HDX: variants seen among roughly 807,000 people sequenced by gnomAD.
HDX encodes the protein highly divergent homeobox.
A neutral mutation model predicts 45.2 loss-of-function variants in HDX; 19 were observed. The observed-to-expected ratio is 0.42, with a 90% confidence interval of 0.29 to 0.62. The LOEUF (loss-of-function observed/expected upper bound fraction) is 0.62, where lower values mean the gene tolerates loss of function less well. Ranked by LOEUF, HDX falls within the 20% of genes least tolerant of loss-of-function variation. The pLI is 0.20. For missense variants in HDX, 532 were observed against 493.9 expected, an observed-to-expected ratio of 1.08 and a Z score of -0.73; for synonymous variants, 188 against 172.8, an observed-to-expected ratio of 1.09 and a Z score of -0.69.
chrX:84,489,145 G>T (rs2040848706), intron 1 of HDX, among the ~76,000 whole-genome samples: 1 of 111,412 alleles, frequency 9.0e-6, no homozygotes, highest in Admixed American at 9.6e-5. Flanking sequence ...ATTTGCTGGA[G>T]GAATGATATA....
chrX:84,343,141 G>A (rs1426606105), intron 7 of HDX, among the ~76,000 whole-genome samples: 2 of 111,020 alleles, frequency 1.8e-5, no homozygotes, highest in Non-Finnish European at 3.8e-5. Flanking sequence ...CTGCAAATGG[G>A]CTCAAGGGAC....
At chrX:84,360,523 A>G (rs2037596342) in intron 6 of HDX, among the ~76,000 whole-genome samples, 1 of 111,349 alleles carries the variant, frequency 9.0e-6, no homozygotes, top group South Asian at 3.7e-4. Context: ...AATCTAGAAC[A>G]TTTTCATCAT....
chrX:84,404,479 G>T (rs1329614409), intron 5 of HDX, among the ~76,000 whole-genome samples: 1 of 111,165 alleles, frequency 9.0e-6, no homozygotes, highest in Non-Finnish European at 1.9e-5. Context: ...CTGATCTAAG[G>T]TTAAGAATAC....
intron 5 of HDX, among the ~76,000 whole-genome samples, chrX:84,388,005 C>T (rs1043981506): frequency 2.7e-5 from 3 of 111,905 alleles, no homozygotes; most frequent in Non-Finnish European, 5.6e-5. Flanking sequence ...TTGAAATGAA[C>T]GCCACTATCA....
rs762265412 is a variant in HDX at position 84,500,469 on chromosome X, C to CA, written c.-110+1872dup. On this transcript the variant is annotated intron_variant, in intron 1 of 10. Transcript: ENST00000373177. Reference sequence around the variant, plus strand: ...TAACACACACACACACACACACACACACAACAACAACAACAACAACAATAA... The same window carrying CA: ...TAACACACACACACACACACACACACAACAACAACAACAACAACAACAATAA... Among the ~76,000 whole-genome samples the CA allele has an allele frequency of 1.3e-3, 132 of 104,823 alleles. 1 individual carries two copies. The highest frequency in any genetic ancestry group is 1.9e-3 in the Non-Finnish European group (96 of 51,421). 91.0% of individuals were successfully genotyped at this position (104,823 alleles called of 115,157 possible).
At chrX:84,430,242 T>C (rs1446449406) in intron 5 of HDX, among the ~76,000 whole-genome samples, 2 of 111,074 alleles carry the variant, frequency 1.8e-5, no homozygotes, top group Non-Finnish European at 3.8e-5. Flanking sequence ...TTTTTTTAGC[T>C]TTCAAATATG....
chrX:84,433,808 C>T (rs1020662687), intron 5 of HDX, among the ~76,000 whole-genome samples: 6 of 111,213 alleles, frequency 5.4e-5, no homozygotes, highest in Non-Finnish European at 9.4e-5. Context: ...TTAATTCTTC[C>T]AGTCCATGAG....
chrX:84,456,363 A>T (rs1014488028), intron 4 of HDX, among the ~76,000 whole-genome samples: 10 of 111,332 alleles, frequency 9.0e-5, no homozygotes, highest in African/African-American at 3.3e-4. Flanking sequence ...CATCATGGAA[A>T]CCTCAAATTA....
At chrX:84,417,871 A>T (rs1276796908) in intron 5 of HDX, among the ~76,000 whole-genome samples, 1 of 111,882 alleles carries the variant, frequency 8.9e-6, no homozygotes, top group Non-Finnish European at 1.9e-5. Flanking sequence ...CACAGAATTG[A>T]TGCCCTTTCT....
rs1163393034 is a variant in HDX at position 84,490,763 on chromosome X, G to A, written c.-109-2631C>T. On this transcript the variant is annotated intron_variant, in intron 1 of 10. Coordinates refer to ENST00000373177, the MANE Select transcript of HDX (RefSeq NM_001177479.2). ...AAGTTTTAGGGTACATGTGCACAACGTGCAGGTTTGTTACATATGTATACT... is the reference window on the plus strand; with the variant it reads ...AAGTTTTAGGGTACATGTGCACAACATGCAGGTTTGTTACATATGTATACT... 6.4e-5 allele frequency among the ~76,000 whole-genome samples: 7 copies of A among 110,130 alleles called. No individual in the cohort carries two copies. In the Admixed American group the frequency reaches 6.8e-4, roughly 11 times the overall value.
chrX:84,351,526 C>T lies in HDX; in HGVS notation c.1453-7069G>A, dbSNP rs191951339. On this transcript the variant is annotated intron_variant, in intron 6 of 10. Transcript: ENST00000373177. ...TTGGCTGGAGTAAAGAAGTCATTATCTAAACATTTTCTGTCATGTTAGACT... is the reference window on the plus strand; with the variant it reads ...TTGGCTGGAGTAAAGAAGTCATTATTTAAACATTTTCTGTCATGTTAGACT... Among the ~76,000 whole-genome samples the T allele has an allele frequency of 3.0e-3, 332 of 111,262 alleles. 1 individual carries two copies. Among genetic ancestry groups the T allele is most frequent in the African/African-American group, 0.011 (327 of 30,641 alleles).
intron 4 of HDX, among the ~76,000 whole-genome samples, chrX:84,446,253 TA>T (rs1454498006): frequency 8.9e-6 from 1 of 111,773 alleles, no homozygotes; most frequent in South Asian, 3.7e-4. Flanking sequence ...TCTACTCAGG[TA>T]AAAAAATAGA....
chrX:84,400,903 T>C (rs2038688012), intron 5 of HDX, among the ~76,000 whole-genome samples: 1 of 111,143 alleles, frequency 9.0e-6, no homozygotes, highest in African/African-American at 3.3e-5. Flanking sequence ...ACACCACACA[T>C]GTACATCCAT....
chrX:84,450,273 T>C (rs1403767660), intron 4 of HDX, among the ~76,000 whole-genome samples: 1 of 110,801 alleles, frequency 9.0e-6, no homozygotes, highest in Non-Finnish European at 1.9e-5. Flanking sequence ...AAAAAAACCA[T>C]CACTCCACTA....
chrX:84,411,510 CTGTGATCCTAGAG>C (rs759422442), intron 5 of HDX, among the ~76,000 whole-genome samples: 2 of 111,728 alleles, frequency 1.8e-5, no homozygotes, highest in East Asian at 2.8e-4. Context: ...TTTTATTGCA[CTGTGATCCTAGAG>C]TGTGATCCTA....
intron 5 of HDX, among the ~76,000 whole-genome samples, chrX:84,410,499 T>C (rs996069132): frequency 1.3e-4 from 15 of 111,873 alleles, no homozygotes; most frequent in Non-Finnish European, 3.8e-5. Flanking sequence ...AAATCTTGAA[T>C]CCCAGGAAGA....
At chrX:84,480,115 G>T (rs771163066) in intron 2 of HDX, among the ~76,000 whole-genome samples, 4 of 110,992 alleles carry the variant, frequency 3.6e-5, no homozygotes, top group African/African-American at 1.3e-4. Context: ...GTTTTAGGGG[G>T]GTTATTATTG....
chrX:84,439,333 C>G (rs1426751784), intron 5 of HDX, among the ~76,000 whole-genome samples: 1 of 103,450 alleles, frequency 9.7e-6, no homozygotes, highest in Admixed American at 1.1e-4. Context: ...TACAAATATT[C>G]TCTCCCATTC....
intron 5 of HDX, among the ~76,000 whole-genome samples, chrX:84,400,984 A>T (rs62613267): frequency 0.086 from 9,623 of 111,930 alleles, 423 homozygotes; most frequent in Middle Eastern, 0.19. Context: ...TGGTGCTGGG[A>T]TAACTGGCCA....
Sources: gnomAD v4.1 joint callset for allele counts (sites outside exome capture counted in the v4.1 genomes callset) on GRCh38, gnomAD v4.1.1 for gene constraint, MANE v1.5 for transcripts, NCBI Gene and HGNC (gene_info 2026-07-23, HGNC 2026-07-21) for gene names.